Variants in CPED1 observed in about 807,000 individuals in gnomAD.
CPED1 encodes cadherin like and PC-esterase domain containing 1.
Under a neutral mutation model 128.2 loss-of-function variants are expected in CPED1, and 114 were observed. The ratio of observed to expected loss-of-function variants is 0.89; its 90% CI spans 0.76 to 1.04. CPED1 has a LOEUF of 1.04. CPED1 is among the 50% of genes least tolerant of loss of function. The pLI, the probability that CPED1 is intolerant of heterozygous loss-of-function variation, is 0.00. For synonymous variants in CPED1, 462 were observed against 426.7 expected, an observed-to-expected ratio of 1.08 and a Z score of -1.02; for missense variants, 1,211 against 1,207.1, an observed-to-expected ratio of 1.00 and a Z score of -0.05.
At chr7:121,023,529 C>T (rs1585023723) in intron 3 of CPED1, among the ~76,000 whole-genome samples, 1 of 152,142 alleles carries the variant, frequency 6.6e-6, no homozygotes, top group East Asian at 1.9e-4. Flanking sequence ...AAGACTCAAA[C>T]ACACAGAATG....
chr7:121,074,103 CT>C (rs1284144247), intron 5 of CPED1, among the ~76,000 whole-genome samples: 23 of 152,088 alleles, frequency 1.5e-4, no homozygotes, highest in Non-Finnish European at 2.9e-4. Context: ...CTATTACCCC[CT>C]GATTTAGAGG....
chr7:121,061,190 T>G, intron 4 of CPED1: 6 of 944,778 alleles, frequency 6.4e-6, no homozygotes, highest in Non-Finnish European at 7.6e-6. Context: ...TCCAGACACA[T>G]TAGGATTGTG....
chr7:121,190,034 G>A (rs1289203104), intron 16 of CPED1, among the ~76,000 whole-genome samples: 1 of 151,478 alleles, frequency 6.6e-6, no homozygotes, highest in African/African-American at 2.4e-5. Context: ...TAGGGTTGAA[G>A]AAACAGTTAA....
rs554429377 is a variant in CPED1 at position 121,017,184 on chromosome 7, A to G, written c.433+1336A>G. ...CGCAGAGCCTGGATCATGGGGACAC[A>G]GGCATTTGTTTATTCTATTTAGTCA... On this transcript the variant is annotated intron_variant, in intron 3 of 22. Coordinates refer to ENST00000310396, the MANE Select transcript of CPED1 (RefSeq NM_024913.5). 9.2e-4 allele frequency among the ~76,000 whole-genome samples: 140 copies of G among 152,328 alleles called. 1 individual carries two copies. The highest frequency in any genetic ancestry group is 1.4e-3 in the Non-Finnish European group (94 of 68,020).
intron 7 of CPED1, among the ~76,000 whole-genome samples, chr7:121,117,087 A>ATATATATT: frequency 7.0e-6 from 1 of 142,524 alleles, no homozygotes; most frequent in Non-Finnish European, 1.5e-5. Flanking sequence ...TTATATATAT[A>ATATATATT]TATATATATA....
intron 5 of CPED1, among the ~76,000 whole-genome samples, chr7:121,078,113 T>C (rs1193740501): frequency 1.3e-5 from 2 of 151,322 alleles, no homozygotes; most frequent in African/African-American, 4.9e-5. Context: ...TGGCACGATC[T>C]CCTGTCATTG....
At chr7:121,279,453 C>A (rs1322553857) in intron 22 of CPED1, among the ~76,000 whole-genome samples, 3 of 145,810 alleles carry the variant, frequency 2.1e-5, no homozygotes, top group African/African-American at 7.6e-5. Context: ...CTCCCCACCC[C>A]CCGCCACAAA....
chr7:121,015,538 C>T, intron 2 of CPED1, 127 bp from the exon 3 acceptor site: 2 of 778,878 alleles, frequency 2.6e-6, no homozygotes, highest in Non-Finnish European at 4.0e-6. Flanking sequence ...TTCAGAGAAA[C>T]TGCCTTTCAC....
intron 4 of CPED1, among the ~76,000 whole-genome samples, chr7:121,048,058 C>T (rs920096588): frequency 9.2e-5 from 14 of 152,068 alleles, no homozygotes; most frequent in African/African-American, 3.4e-4. Context: ...ACATTTCTGG[C>T]CATTCCTCCT....
At chr7:121,061,569 T>A (rs1437049791) in intron 4 of CPED1, among the ~76,000 whole-genome samples, 1 of 152,130 alleles carries the variant, frequency 6.6e-6, no homozygotes, top group Non-Finnish European at 1.5e-5. Context: ...AGGGAGTATA[T>A]GGGAAATCTC....
At chr7:121,249,701 G>C (rs932494738) in intron 18 of CPED1, among the ~76,000 whole-genome samples, 1 of 152,022 alleles carries the variant, frequency 6.6e-6, no homozygotes, top group Non-Finnish European at 1.5e-5. Context: ...GGAATTAAAA[G>C]ATCAGCACCT....
intron 16 of CPED1, among the ~76,000 whole-genome samples, chr7:121,147,699 C>T (rs1796058682): frequency 6.6e-6 from 1 of 151,972 alleles, no homozygotes; most frequent in African/African-American, 2.4e-5. Flanking sequence ...ATAAAAGCTA[C>T]AGGAAGGTTA....
At chr7:121,129,312 CGTATAT>C (rs1795598734) in intron 11 of CPED1, among the ~76,000 whole-genome samples, 4 of 13,650 alleles carry the variant, frequency 2.9e-4, no homozygotes, top group Non-Finnish European at 4.8e-4. Context: ...TATATATATA[CGTATAT>C]ATATATATAT....
At chr7:121,290,459 C>A (rs892693233) in intron 22 of CPED1, among the ~76,000 whole-genome samples, 1 of 152,186 alleles carries the variant, frequency 6.6e-6, no homozygotes, top group Admixed American at 6.5e-5. Flanking sequence ...CACATCCTCT[C>A]CAGCATCTGT....
intron 13 of CPED1, among the ~76,000 whole-genome samples, chr7:121,134,400 T>G (rs1917109): frequency 0.99 from 150,674 of 152,130 alleles, 74,638 homozygotes; most frequent in Middle Eastern, 1. Flanking sequence ...GTAGAGAGGG[T>G]TTACCAGTTT....
chr7:121,209,060 C>A (rs371842508), intron 16 of CPED1, among the ~76,000 whole-genome samples: 7 of 151,882 alleles, frequency 4.6e-5, no homozygotes, highest in African/African-American at 9.7e-5. Context: ...TGTTGTTGTG[C>A]CAGATAGATG....
intron 21 of CPED1, among the ~76,000 whole-genome samples, chr7:121,267,771 T>G (rs1792158901): frequency 6.6e-6 from 1 of 152,066 alleles, no homozygotes; most frequent in South Asian, 2.1e-4. Context: ...GAGAACCAGC[T>G]GCTCTTGCTC....
chr7:121,228,578 A>C (rs1239309200), intron 16 of CPED1, among the ~76,000 whole-genome samples: 3 of 50,394 alleles, frequency 6.0e-5, no homozygotes, highest in Non-Finnish European at 1.3e-4. Context: ...AATGATATGG[A>C]GATTTCTCAA....
intron 16 of CPED1, among the ~76,000 whole-genome samples, chr7:121,189,761 T>C (rs978390320): frequency 1.9e-4 from 2 of 10,448 alleles, no homozygotes; most frequent in Non-Finnish European, 3.6e-4. Context: ...TATGAGGTTT[T>C]ATATATATAT....
Sources: allele counts gnomAD v4.1 joint callset (sites outside exome capture counted in the v4.1 genomes callset), GRCh38; gene constraint gnomAD v4.1.1; transcripts MANE v1.5; gene names NCBI Gene and HGNC (gene_info 2026-07-23, HGNC 2026-07-21).